DPY19L1: variants seen among roughly 807,000 people sequenced by gnomAD.
DPY19L1 encodes dpy-19 like C-mannosyltransferase 1.
A neutral mutation model predicts 96.9 loss-of-function variants in DPY19L1; 35 were observed. The ratio of observed to expected loss-of-function variants is 0.36; its 90% CI spans 0.28 to 0.48. The LOEUF is 0.48. DPY19L1 is among the 20% of genes least tolerant of loss of function. The pLI, the probability that DPY19L1 is intolerant of heterozygous loss-of-function variation, is 0.99. For synonymous variants in DPY19L1, 205 were observed against 252.6 expected, an observed-to-expected ratio of 0.81 and a Z score of 1.79; for missense variants, 521 against 777.9, an observed-to-expected ratio of 0.67 and a Z score of 3.93.
chr7:34,937,620 G>A (rs911514614), intron 21 of DPY19L1, among the ~76,000 whole-genome samples: 2 of 151,952 alleles, frequency 1.3e-5, no homozygotes, highest in Non-Finnish European at 2.9e-5. Flanking sequence ...ATAAAAGAAA[G>A]TCTCCAAATC....
At chr7:34,968,245 A>G (rs1233116807) in intron 9 of DPY19L1, among the ~76,000 whole-genome samples, 4 of 152,112 alleles carry the variant, frequency 2.6e-5, no homozygotes, top group South Asian at 2.1e-4. Flanking sequence ...AAACCAACTA[A>G]CCTTACTGAC....
chr7:34,981,392 C>T (rs1312931433), intron 7 of DPY19L1, among the ~76,000 whole-genome samples: 1 of 152,122 alleles, frequency 6.6e-6, no homozygotes, highest in Non-Finnish European at 1.5e-5. Context: ...ATAACTAATT[C>T]AGGCAAGAAT....
intron 1 of DPY19L1, among the ~76,000 whole-genome samples, chr7:35,022,093 C>CA (rs139112752): frequency 2.0e-5 from 3 of 151,766 alleles, no homozygotes; most frequent in Non-Finnish European, 2.9e-5. Context: ...TTCTTGCCTA[C>CA]AAAAAAATAA....
At chr7:34,973,363 A>C (rs1784766587) in intron 8 of DPY19L1, 151 bp downstream of exon 8, 1 of 418,604 alleles carries the variant, frequency 2.4e-6, no homozygotes, top group Non-Finnish European at 4.1e-6. Context: ...TGTTTTTGAT[A>C]CTATTTTTAA....
rs2021175 is a variant in DPY19L1 at position 34,949,091 on chromosome 7, A to G, written c.1422+706T>C. Reference sequence around the variant, plus strand: ...AGATAATATAATTAATCAGTACCACATGGATGGTGTTAAAAATGCACATAT... The same window carrying G: ...AGATAATATAATTAATCAGTACCACGTGGATGGTGTTAAAAATGCACATAT... On this transcript the variant is annotated intron_variant, in intron 14 of 21. Transcript: ENST00000638088. 3.8e-3 allele frequency among the ~76,000 whole-genome samples: 572 copies of G among 152,336 alleles called. 3 individuals carry two copies. The highest frequency in any genetic ancestry group is 0.011 in the African/African-American group (476 of 41,566).
At chr7:34,939,126 C>T (rs554001650) in intron 20 of DPY19L1, 150 bp downstream of exon 20, 69 of 631,630 alleles carry the variant, frequency 1.1e-4, no homozygotes, top group Middle Eastern at 4.4e-4. Flanking sequence ...TAGAGCTTAG[C>T]GGTCTTATTT....
chr7:35,003,345 T>C (rs1331190373), intron 6 of DPY19L1, among the ~76,000 whole-genome samples: 1 of 152,054 alleles, frequency 6.6e-6, no homozygotes, highest in African/African-American at 2.4e-5. Context: ...ACACAAACCA[T>C]GGAAGGTAGC....
At chr7:34,956,798 T>C (rs1388761568) in intron 11 of DPY19L1, among the ~76,000 whole-genome samples, 2 of 151,926 alleles carry the variant, frequency 1.3e-5, no homozygotes, top group African/African-American at 4.8e-5. Flanking sequence ...CCACTGCGCC[T>C]GGCCGAAAAA....
At chr7:35,036,236 T>C (rs1786395527) in intron 1 of DPY19L1, among the ~76,000 whole-genome samples, 1 of 152,178 alleles carries the variant, frequency 6.6e-6, no homozygotes, top group Non-Finnish European at 1.5e-5. Context: ...AATTAAATAG[T>C]TCAGTAGCGA....
chr7:35,029,104 T>G (rs1231730305), intron 1 of DPY19L1, among the ~76,000 whole-genome samples: 2 of 152,236 alleles, frequency 1.3e-5, no homozygotes, highest in Non-Finnish European at 2.9e-5. Context: ...TTAGGATGCC[T>G]AACCTTCTGG....
At chr7:34,961,737 C>T (rs774523433) in intron 10 of DPY19L1, among the ~76,000 whole-genome samples, 6 of 152,086 alleles carry the variant, frequency 3.9e-5, no homozygotes, top group African/African-American at 1.2e-4. Flanking sequence ...TGATAAGGGA[C>T]TGTTATCAAA....
intron 1 of DPY19L1, among the ~76,000 whole-genome samples, chr7:35,033,259 T>A (rs1002769554): frequency 6.6e-6 from 1 of 152,222 alleles, no homozygotes; most frequent in African/African-American, 2.4e-5. Context: ...CAGAGACCTT[T>A]CCTGACCCTA....
At chr7:34,973,850 A>G (rs1248673643) in intron 7 of DPY19L1, among the ~76,000 whole-genome samples, 1 of 152,182 alleles carries the variant, frequency 6.6e-6, no homozygotes, top group Non-Finnish European at 1.5e-5. Flanking sequence ...AGAAAATACC[A>G]AAAAAGATGC....
intron 10 of DPY19L1, among the ~76,000 whole-genome samples, chr7:34,959,517 T>A (rs1410215190): frequency 6.6e-6 from 1 of 152,134 alleles, no homozygotes; most frequent in Non-Finnish European, 1.5e-5. Flanking sequence ...ATATACACCA[T>A]GGAATACTAT....
intron 6 of DPY19L1, among the ~76,000 whole-genome samples, chr7:35,007,250 T>C (rs1424085597): frequency 6.6e-6 from 1 of 152,164 alleles, no homozygotes; most frequent in Non-Finnish European, 1.5e-5. Flanking sequence ...AACGATGCCT[T>C]TGAATAGAGC....
intron 6 of DPY19L1, among the ~76,000 whole-genome samples, chr7:35,005,638 A>T (rs1317135297): frequency 2.7e-5 from 1 of 36,588 alleles, no homozygotes; most frequent in Non-Finnish European, 7.2e-5. Context: ...GTCTCTACTA[A>T]AAAAAAAAAA....
rs1250506903 is a variant in DPY19L1, at chr7:35,011,382, T to C, written c.618A>G (p.Ile206Met). ...CTTCTCCTCTGGTAACCGTCCAACA[T>C]ATCTTGGTTTGAATACCAATCAAGT... The part of the protein sequence containing the change: ...IMDLIGIQTK[I>M]CWTVTRGEGL... Residue 206 changes from isoleucine to methionine, a missense_variant, in exon 5 of 22, where the codon ATA becomes ATG. Coordinates refer to ENST00000638088, the MANE Select transcript of DPY19L1 (RefSeq NM_001366673.1). 6.2e-7 allele frequency: 1 copy of C among 1,613,506 alleles called. No homozygotes were observed. The highest frequency in any genetic ancestry group is 1.7e-5 in the Admixed American group (1 of 59,922).
At chr7:34,973,780 C>T (rs1784777293) in intron 7 of DPY19L1, among the ~76,000 whole-genome samples, 175 bp from the exon 8 acceptor site, 1 of 152,096 alleles carries the variant, frequency 6.6e-6, no homozygotes, top group African/African-American at 2.4e-5. Context: ...ACAAATATTA[C>T]TGACAGAGAC....
At chr7:34,950,545 T>C (rs1243856354) in intron 13 of DPY19L1, among the ~76,000 whole-genome samples, 4 of 152,110 alleles carry the variant, frequency 2.6e-5, no homozygotes, top group Non-Finnish European at 5.9e-5. Flanking sequence ...TTCAAGTTCA[T>C]TATAGTCTAA....
Sources: allele counts gnomAD v4.1 joint callset (sites outside exome capture counted in the v4.1 genomes callset), GRCh38; gene constraint gnomAD v4.1.1; transcripts MANE v1.5; gene names NCBI Gene and HGNC (gene_info 2026-07-23, HGNC 2026-07-21).